The following KPNA6 variants were observed in gnomAD, a reference collection of about 807,000 sequenced individuals.
KPNA6 encodes importin subunit alpha-7.
KPNA6 carries 9 observed loss-of-function variants against 72.0 expected under a neutral mutation model. That is an observed-to-expected ratio of 0.13 (90% confidence interval 0.08 to 0.22). The LOEUF (loss-of-function observed/expected upper bound fraction) is 0.22. Ranked by LOEUF, KPNA6 falls within the 10% of genes least tolerant of loss-of-function variation. The pLI, the probability that KPNA6 is intolerant of heterozygous loss-of-function variation, is 1.00. For synonymous variants in KPNA6, 219 were observed against 242.1 expected (o/e 0.90, Z 0.89); for missense variants, 374 against 655.7 (o/e 0.57, Z 4.69).
chr1:32,123,028 A>T (rs566663664), intron 1 of KPNA6, among the ~76,000 whole-genome samples: 1 of 152,044 alleles, frequency 6.6e-6, no homozygotes, highest in East Asian at 1.9e-4. Context: ...TATAATGTCT[A>T]GGCAAGAGAT....
At chr1:32,127,618 T>C (rs1237373116) in intron 1 of KPNA6, among the ~76,000 whole-genome samples, 1 of 152,216 alleles carries the variant, frequency 6.6e-6, no homozygotes, top group East Asian at 1.9e-4. Context: ...AGACGAGTTG[T>C]GGGTGGAGGG....
chr1:32,161,305 T>C (rs1381019691), intron 7 of KPNA6, among the ~76,000 whole-genome samples: 2 of 151,854 alleles, frequency 1.3e-5, no homozygotes, highest in Non-Finnish European at 3.0e-5. Context: ...AAATCCAACC[T>C]TCTCTACAAA....
chr1:32,149,028 C>T lies in KPNA6; in HGVS notation c.5-5560C>T, dbSNP rs187843834. Among the ~76,000 whole-genome samples, 34 of 152,176 alleles carry T rather than the reference C, an allele frequency of 2.2e-4. No homozygotes were observed. The East Asian group carries it at 5.8e-3, about 26-fold the overall frequency. Reference sequence around the variant, plus strand: ...TTTAATGGTATTCCATGGGTCCACTCGATTCTGTTCATTTTTCTTCATTCT... The same window carrying T: ...TTTAATGGTATTCCATGGGTCCACTTGATTCTGTTCATTTTTCTTCATTCT... On this transcript the variant is annotated intron_variant, in intron 1 of 13. Coordinates refer to ENST00000373625, the MANE Select transcript of KPNA6 (RefSeq NM_012316.5).
chr1:32,163,648 G>C (rs1642282143), intron 10 of KPNA6, among the ~76,000 whole-genome samples: 1 of 152,156 alleles, frequency 6.6e-6, no homozygotes. Context: ...GAAAGCTATG[G>C]AACTCCACCC....
chr1:32,165,373 C>A (rs1557484769), intron 10 of KPNA6, among the ~76,000 whole-genome samples: 1 of 152,140 alleles, frequency 6.6e-6, no homozygotes, highest in Non-Finnish European at 1.5e-5. Context: ...TGATGCACAA[C>A]AGTTTTTCAT....
chr1:32,160,299 C>CAAA (rs535456428), intron 6 of KPNA6, among the ~76,000 whole-genome samples: 7 of 77,352 alleles, frequency 9.0e-5, no homozygotes, highest in Non-Finnish European at 1.1e-4. Flanking sequence ...GACTCCGTCT[C>CAAA]AAAAAAAAAA....
Position 32,172,343 on chromosome 1 carries a change from A to G in KPNA6, c.*1449A>G, listed in dbSNP as rs922129261. 6.6e-6 allele frequency: 1 copy of G among 152,014 alleles called. No individual in the cohort carries two copies. The highest frequency in any genetic ancestry group is 6.6e-5 in the Admixed American group (1 of 15,252). 9.4% of individuals were successfully genotyped at this position (152,014 alleles called of 1,614,324 possible). ...GCCTCAGGGCCTGGTGAAGTCTGCT[A>G]CTCTGTCCTTACTGCTGAACATCCT... On this transcript the variant is annotated 3_prime_UTR_variant, in exon 14 of 14. Coordinates refer to ENST00000373625, the MANE Select transcript of KPNA6 (RefSeq NM_012316.5).
intron 1 of KPNA6, among the ~76,000 whole-genome samples, chr1:32,135,161 G>A (rs1355973929): frequency 2.0e-5 from 3 of 152,064 alleles, no homozygotes; most frequent in African/African-American, 4.8e-5. Context: ...TCCACCTCGC[G>A]GGTTCAAGTG....
intron 1 of KPNA6, among the ~76,000 whole-genome samples, chr1:32,122,103 G>A (rs1314402507): frequency 4.6e-5 from 7 of 151,612 alleles, no homozygotes; most frequent in African/African-American, 1.7e-4. Context: ...GTGAAACCCC[G>A]TCTGTACTAA....
intron 1 of KPNA6, among the ~76,000 whole-genome samples, chr1:32,128,782 T>G (rs536786384): frequency 6.6e-6 from 1 of 152,202 alleles, no homozygotes; most frequent in South Asian, 2.1e-4. Flanking sequence ...GTTTGCAACA[T>G]TTCCTGGTCA....
intron 6 of KPNA6, 107 bp from the exon 7 acceptor site, chr1:32,160,508 T>C: frequency 1.2e-6 from 1 of 814,832 alleles, no homozygotes. Context: ...ATTTGGGGCC[T>C]TGACATCATT....
At chr1:32,129,339 T>A (rs923942990) in intron 1 of KPNA6, among the ~76,000 whole-genome samples, 3 of 152,000 alleles carry the variant, frequency 2.0e-5, no homozygotes, top group African/African-American at 7.2e-5. Context: ...TTTTTGTATT[T>A]TTTTTTAGTA....
chr1:32,160,552 G>A, intron 6 of KPNA6, 63 bp from the exon 7 acceptor site: 2 of 1,272,606 alleles, frequency 1.6e-6, no homozygotes, highest in Non-Finnish European at 2.3e-6. Flanking sequence ...TGCAGTTGTG[G>A]CTATAAAGTA....
intron 1 of KPNA6, among the ~76,000 whole-genome samples, chr1:32,118,997 C>CATATATAT (rs71578197): frequency 2.9e-3 from 174 of 59,786 alleles, no homozygotes; most frequent in Non-Finnish European, 3.7e-3. Context: ...TGTGTGTATA[C>CATATATAT]ATATATATAT....
chr1:32,131,557 A>T (rs1184724649), intron 1 of KPNA6, among the ~76,000 whole-genome samples: 1 of 151,960 alleles, frequency 6.6e-6, no homozygotes. Context: ...CCACATACAT[A>T]CATACACACA....
chr1:32,163,150 T>A, intron 9 of KPNA6, 85 bp from the exon 10 acceptor site: 1 of 845,182 alleles, frequency 1.2e-6, no homozygotes. Context: ...TTCCTTAAGC[T>A]TCTCCAGGCT....
intron 1 of KPNA6, among the ~76,000 whole-genome samples, chr1:32,150,980 G>A (rs922651868): frequency 2.0e-5 from 3 of 151,940 alleles, no homozygotes. Context: ...GGAGTACAGC[G>A]GTGCAGTCAT....
At chr1:32,123,038 T>C (rs1042499133) in intron 1 of KPNA6, among the ~76,000 whole-genome samples, 99 of 150,914 alleles carry the variant, frequency 6.6e-4, no homozygotes, top group African/African-American at 2.3e-3. Context: ...AGGCAAGAGA[T>C]TATGAAGACC....
rs1398688948 is a variant in KPNA6 at position 32,173,176 on chromosome 1, A to AAAAAAT, written c.*2287_*2288insTAAAAA. 8.2e-5 allele frequency: 22 copies of AAAAAAT among 269,524 alleles called. 1 individual carries two copies. In the East Asian group the frequency reaches 1.1e-3, roughly 13 times the overall value. 16.7% of individuals were successfully genotyped at this position (269,524 alleles called of 1,614,324 possible). A position where few individuals can be genotyped will look rare whatever the true frequency, so the allele number is the denominator to read the frequency against. ...AAAAAACCATTCTCTTACAGTTTAA[A>AAAAAAT]AAAAAAAAAAAAAAAAAAGCCTTCC... On this transcript the variant is annotated 3_prime_UTR_variant, in exon 14 of 14. Coordinates refer to ENST00000373625, the MANE Select transcript of KPNA6 (RefSeq NM_012316.5).
Sources: gnomAD v4.1 joint callset for allele counts (sites outside exome capture counted in the v4.1 genomes callset) on GRCh38, gnomAD v4.1.1 for gene constraint, MANE v1.5 for transcripts, NCBI Gene and HGNC (gene_info 2026-07-23, HGNC 2026-07-21) for gene names.